The following CUX1 variants were observed in gnomAD, a reference collection of about 807,000 sequenced individuals.
The protein encoded by CUX1 is protein CASP.
A neutral mutation model predicts 158.8 loss-of-function variants in CUX1; 31 were observed. The ratio of observed to expected loss-of-function variants is 0.20; its 90% CI spans 0.15 to 0.26. The LOEUF (loss-of-function observed/expected upper bound fraction) is 0.26. Among genes scored for constraint, CUX1 ranks in the 10% least tolerant of loss-of-function variants. CUX1 has a pLI of 1.00. For missense variants in CUX1, 1,589 were observed against 2,014.6 expected (o/e 0.79, Z 4.04); for synonymous variants, 879 against 862.1 (o/e 1.02, Z -0.34).
intron 8 of CUX1, among the ~76,000 whole-genome samples, chr7:102,133,429 CT>C (rs1833541064): frequency 6.6e-6 from 1 of 150,568 alleles, no homozygotes; most frequent in African/African-American, 2.4e-5. Flanking sequence ...TAGAGAGAAC[CT>C]GGGGGCTTCA....
At chr7:101,964,181 G>A (rs891539742) in intron 2 of CUX1, among the ~76,000 whole-genome samples, 3 of 151,888 alleles carry the variant, frequency 2.0e-5, no homozygotes, top group African/African-American at 4.8e-5. Flanking sequence ...GTGAAACCAC[G>A]TCTCTACTAA....
At chr7:102,039,786 G>A (rs753473779) in intron 3 of CUX1, among the ~76,000 whole-genome samples, 6 of 151,816 alleles carry the variant, frequency 4.0e-5, no homozygotes, top group Admixed American at 2.6e-4. Flanking sequence ...GCATTGTCTC[G>A]TGTACATCCA....
intron 2 of CUX1, among the ~76,000 whole-genome samples, chr7:101,936,986 CG>C (rs1457972737): frequency 1.3e-5 from 2 of 152,158 alleles, no homozygotes; most frequent in Non-Finnish European, 2.9e-5. Flanking sequence ...ACACAGTCAC[CG>C]GGGAAGGGCC....
chr7:102,280,316 C>G (rs1201597392), intron 19 of CUX1, among the ~76,000 whole-genome samples: 13 of 152,172 alleles, frequency 8.5e-5, no homozygotes, highest in Non-Finnish European at 1.9e-4. Flanking sequence ...CAGGAGCCCC[C>G]CCAAGACAGC....
intron 2 of CUX1, chr7:101,961,964 G>GTATTA (rs1810557658): frequency 6.6e-6 from 1 of 151,830 alleles, no homozygotes; most frequent in Non-Finnish European, 1.5e-5. Context: ...TATATATACA[G>GTATTA]TATTATTACA....
chr7:102,117,110 A>C (rs1316602697), intron 8 of CUX1, among the ~76,000 whole-genome samples: 1 of 152,028 alleles, frequency 6.6e-6, no homozygotes, highest in African/African-American at 2.4e-5. Flanking sequence ...AGTCAGAAGA[A>C]AGTTTGGCAG....
chr7:102,004,702 G>A (rs71559444), intron 2 of CUX1, among the ~76,000 whole-genome samples: 2 of 152,042 alleles, frequency 1.3e-5, no homozygotes, highest in African/African-American at 2.4e-5. Context: ...TGACCACCGA[G>A]CCTGGTTCCT....
Position 102,037,359 on chromosome 7 carries a change from T to C in CUX1, c.189+9214T>C, listed in dbSNP as rs560006597. The stretch of plus-strand genomic sequence containing the variant: ...GAATTTCTTTCTTTTCTTTTCTTTT[T>C]TTTTTTTTTTGAGACGGAGTTTTGT... On this transcript the variant is annotated intron_variant, in intron 3 of 23. Coordinates refer to ENST00000292535, the MANE Select transcript of CUX1 (RefSeq NM_181552.4). Among the ~76,000 whole-genome samples the C allele has an allele frequency of 1.6e-4, 24 of 150,872 alleles. No homozygotes were observed. The South Asian group carries it at 2.7e-3, about 17-fold the overall frequency.
At chr7:102,215,999 G>T (rs746544829) in intron 20 of CUX1, among the ~76,000 whole-genome samples, 1 of 152,194 alleles carries the variant, frequency 6.6e-6, no homozygotes, top group Non-Finnish European at 1.5e-5. Flanking sequence ...GACTCGGAAA[G>T]AAAACAACAT....
intron 1 of CUX1, among the ~76,000 whole-genome samples, chr7:101,833,877 A>C (rs1794333418): frequency 6.6e-6 from 1 of 152,112 alleles, no homozygotes. Flanking sequence ...CCCCCAAATC[A>C]GGGCACTTGG....
intron 1 of CUX1, among the ~76,000 whole-genome samples, chr7:101,841,069 A>G (rs1056325003): frequency 3.3e-5 from 5 of 151,296 alleles, no homozygotes; most frequent in Non-Finnish European, 5.9e-5. Flanking sequence ...AATTTTTTGT[A>G]TTTTTAATAG....
chr7:102,133,850 C>T (rs1554498083), intron 8 of CUX1, among the ~76,000 whole-genome samples: 1 of 152,216 alleles, frequency 6.6e-6, no homozygotes, highest in Non-Finnish European at 1.5e-5. Flanking sequence ...GAAGCCCCCA[C>T]ACCGGGGTAA....
chr7:101,889,765 A>G (rs1207995528), intron 1 of CUX1, among the ~76,000 whole-genome samples: 6 of 152,118 alleles, frequency 3.9e-5, no homozygotes, highest in Admixed American at 3.9e-4. Context: ...GAGCAAGACT[A>G]TATCTCAAAA....
At chr7:102,216,906 CAT>C (rs1370691108) in intron 20 of CUX1, among the ~76,000 whole-genome samples, 5 of 143,516 alleles carry the variant, frequency 3.5e-5, no homozygotes, top group Admixed American at 2.8e-4. Context: ...CACACACACA[CAT>C]TTGCAGTGAT....
At chr7:101,898,716 G>T (rs1055150082) in intron 1 of CUX1, among the ~76,000 whole-genome samples, 1 of 151,020 alleles carries the variant, frequency 6.6e-6, no homozygotes, top group African/African-American at 2.4e-5. Context: ...TCAGCCTCCT[G>T]AGTAGCTGGG....
chr7:102,232,613 T>G (rs1799125405), intron 21 of CUX1, among the ~76,000 whole-genome samples: 1 of 152,190 alleles, frequency 6.6e-6, no homozygotes, highest in South Asian at 2.1e-4. Context: ...CCGTCAGGCC[T>G]TCCAGGTTAT....
intron 2 of CUX1, among the ~76,000 whole-genome samples, chr7:102,016,479 C>T (rs1461801425): frequency 6.6e-6 from 1 of 152,226 alleles, no homozygotes; most frequent in African/African-American, 2.4e-5. Context: ...ATGGAAGTCA[C>T]GTGCCTCATT....
chr7:102,257,478 CA>C lies in CUX1; in HGVS notation c.*8437del. 3.0e-6 allele frequency: 3 copies of C among 985,258 alleles called. No individual in the cohort carries two copies. Among genetic ancestry groups the C allele is most frequent in the Non-Finnish European group, 2.4e-6 (2 of 829,908 alleles). The allele number at this position is 985,258 out of a possible 1,614,324, so 61.0% of individuals were successfully genotyped here. ...GAGAATTCACCCAAAATTCTTAAAA[CA>C]TTGGAGAATAGCTTGTTATAAAATA... On this transcript the variant is annotated 3_prime_UTR_variant, in exon 24 of 24. Transcript: ENST00000292535.
intron 11 of CUX1, 48 bp downstream of exon 11, chr7:102,178,705 T>C: frequency 6.4e-7 from 1 of 1,552,344 alleles, no homozygotes; most frequent in South Asian, 1.2e-5. Context: ...GCAGGGCGGA[T>C]GGCTGGACAC....
Sources: gnomAD v4.1 joint callset for allele counts (sites outside exome capture counted in the v4.1 genomes callset) on GRCh38, gnomAD v4.1.1 for gene constraint, MANE v1.5 for transcripts, NCBI Gene and HGNC (gene_info 2026-07-23, HGNC 2026-07-21) for gene names.